Variants in USP42 observed in about 807,000 individuals in gnomAD.
USP42 encodes the protein ubiquitin carboxyl-terminal hydrolase 42.
A neutral mutation model predicts 113.0 loss-of-function variants in USP42; 23 were observed. The ratio of observed to expected loss-of-function variants is 0.20; its 90% confidence interval spans 0.15 to 0.29. The LOEUF is 0.29. USP42 is among the 10% of genes least tolerant of loss of function. The pLI, the probability that USP42 is intolerant of heterozygous loss-of-function variation, is 1.00. For missense variants in USP42, 2,174 were observed against 1,779.8 expected (o/e 1.22, Z -3.99); for synonymous variants, 933 against 699.0 (o/e 1.33, Z -5.28).
intron 3 of USP42, among the ~76,000 whole-genome samples, chr7:6,116,319 A>T (rs904298714): frequency 6.6e-6 from 1 of 152,194 alleles, no homozygotes; most frequent in Non-Finnish European, 1.5e-5. Context: ...TTCAACCTAC[A>T]TGGCAGGAAA....
chr7:6,085,132 T>A, the USP42 span: 3 of 150,726 alleles, frequency 2.0e-5, no homozygotes, highest in Non-Finnish European at 4.4e-5. Context: ...TTTATTTATT[T>A]ATTTTGAGAC....
chr7:6,103,067 C>T (rs977176251), upstream of USP42, among the ~76,000 whole-genome samples: 1 of 150,768 alleles, frequency 6.6e-6, no homozygotes. Context: ...CTGGTGAGCA[C>T]AGAATACCAG....
intron 15 of USP42, among the ~76,000 whole-genome samples, chr7:6,155,661 C>T (rs1006643679): frequency 4.6e-5 from 7 of 152,264 alleles, no homozygotes; most frequent in Non-Finnish European, 4.4e-5. Context: ...TGTGCCTGCC[C>T]GCCTGCCCAG....
At chr7:6,148,135 T>G (rs1029808757) in intron 12 of USP42, among the ~76,000 whole-genome samples, 2 of 152,128 alleles carry the variant, frequency 1.3e-5, no homozygotes, top group South Asian at 2.1e-4. Flanking sequence ...CTCAGTTGTT[T>G]GAGACCACCC....
Position 6,149,942 on chromosome 7 carries a change from C to G in USP42, c.1746C>G (p.Ile582Met). 3 of 1,614,010 alleles carry G rather than the reference C, an allele frequency of 1.9e-6. No homozygotes were observed. Among genetic ancestry groups the G allele is most frequent in the Admixed American group, 1.7e-5 (1 of 60,022 alleles). ...MSVSSKVTKP[I>M]PRSESCSQPV... ...TTTCTAGTAAAGTAACAAAACCGATCCCCCGCAGTGAATCCTGCTCCCAGC... is the reference window on the plus strand; with the variant it reads ...TTTCTAGTAAAGTAACAAAACCGATGCCCCGCAGTGAATCCTGCTCCCAGC... The change falls in exon 13 of 18, where the codon ATC becomes ATG. Residue 582 changes from isoleucine to methionine, a missense_variant. Ile to Met is a conservative substitution (Grantham distance 10). Transcript: ENST00000306177.
chr7:6,104,225 G>A (rs538691096), upstream of USP42, among the ~76,000 whole-genome samples: 18 of 151,460 alleles, frequency 1.2e-4, 1 homozygote, highest in South Asian at 2.1e-3. Context: ...TGGGACTACA[G>A]GCGCGCGCCA....
intron 3 of USP42, among the ~76,000 whole-genome samples, chr7:6,121,478 G>A (rs560996762): frequency 4.7e-5 from 7 of 148,818 alleles, no homozygotes; most frequent in Middle Eastern, 3.4e-3. Context: ...TTTTTTTCTT[G>A]TTTTGGCATT....
At chr7:6,105,243 C>G (rs890475350) in intron 1 of USP42, among the ~76,000 whole-genome samples, 10 of 145,714 alleles carry the variant, frequency 6.9e-5, no homozygotes, top group African/African-American at 2.5e-4. Flanking sequence ...CCGCCCGGGC[C>G]AGGCCGCTGG....
the USP42 span, among the ~76,000 whole-genome samples, chr7:6,092,022 TC>T: frequency 9.2e-6 from 1 of 108,610 alleles, no homozygotes; most frequent in Non-Finnish European, 1.9e-5. Flanking sequence ...TTCTTCTTCT[TC>T]TTCTTCTTCT....
intron 14 of USP42, among the ~76,000 whole-genome samples, chr7:6,152,561 A>G (rs918397164): frequency 2.0e-5 from 3 of 152,004 alleles, no homozygotes; most frequent in African/African-American, 7.2e-5. Flanking sequence ...ATTAAACCGG[A>G]ATGGGGCGAA....
At chr7:6,111,417 T>C (rs771745159) in intron 2 of USP42, 43 bp downstream of exon 2, 40 of 1,595,422 alleles carry the variant, frequency 2.5e-5, no homozygotes, top group Non-Finnish European at 3.3e-5. Flanking sequence ...GAAACTCCTG[T>C]GTAAATGCTG....
chr7:6,102,581 C>T (rs75490106), upstream of USP42, among the ~76,000 whole-genome samples: 27,575 of 149,886 alleles, frequency 0.18, 3,389 homozygotes, highest in African/African-American at 0.27. Flanking sequence ...GGCAACATAG[C>T]GAGCCCGTCT....
upstream of USP42, among the ~76,000 whole-genome samples, chr7:6,103,291 C>T (rs1047363412): frequency 6.6e-6 from 1 of 150,864 alleles, no homozygotes; most frequent in Non-Finnish European, 1.5e-5. Context: ...GGTCTATCCC[C>T]TTCAGAGCCA....
Position 6,157,317 on chromosome 7 carries a change from A to C in USP42, c.3943+262A>C. 1.7e-6 allele frequency: 2 copies of C among 1,155,490 alleles called. No homozygotes were observed. Among genetic ancestry groups the C allele is most frequent in the Non-Finnish European group, 2.1e-6 (2 of 940,112 alleles). The allele number at this position is 1,155,490 out of a possible 1,614,324, so 71.6% of individuals were successfully genotyped here. A position where few individuals can be genotyped will look rare whatever the true frequency, so the allele number is the denominator to read the frequency against. On this transcript the variant is annotated intron_variant, in intron 16 of 17. Coordinates refer to ENST00000306177, the MANE Select transcript of USP42 (RefSeq NM_032172.3). This position sits in a 1 kb window ranked among gnomAD's most constrained non-coding sequence, Gnocchi z 4.1. ...ACTACCTGTGTCACCAAAGCCCTGGAACGTACAGCTCTAGGCATCTGACTT... is the reference window on the plus strand; with the variant it reads ...ACTACCTGTGTCACCAAAGCCCTGGCACGTACAGCTCTAGGCATCTGACTT...
At chr7:6,112,819 C>T (rs1779670898) in intron 2 of USP42, among the ~76,000 whole-genome samples, 1 of 151,734 alleles carries the variant, frequency 6.6e-6, no homozygotes, top group Non-Finnish European at 1.5e-5. Flanking sequence ...CCAGTGTGGC[C>T]CAGGGAAGCC....
At chr7:6,137,926 G>A (rs1236421174) in intron 4 of USP42, among the ~76,000 whole-genome samples, 1 of 152,120 alleles carries the variant, frequency 6.6e-6, no homozygotes, top group Non-Finnish European at 1.5e-5. Flanking sequence ...TGATCCACCC[G>A]CCTCTGCCTC....
the USP42 span, among the ~76,000 whole-genome samples, chr7:6,099,712 C>T: frequency 6.7e-6 from 1 of 150,312 alleles, no homozygotes; most frequent in Non-Finnish European, 1.5e-5. Flanking sequence ...CCTGTAATCC[C>T]AGCATTTTGG....
At chr7:6,145,448 CCT>C (rs778593373) in intron 9 of USP42, 66 bp from the exon 10 acceptor site, 164 of 1,597,146 alleles carry the variant, frequency 1.0e-4, no homozygotes, top group Non-Finnish European at 1.3e-4. Flanking sequence ...CTCTAAGTAC[CCT>C]CTACCTGAAT....
Position 6,157,044 on chromosome 7 carries a change from A to C in USP42, c.3932A>C (p.Glu1311Ala). ...AGGGATGACAGGTGTCGTCTCTTTG[A>C]GTATGGCCAGGGTAAGAGGAGATAC... ...ESRDDRCRLF[E>A]YGQGD Residue 1311 changes from glutamate (E) to alanine (A), a missense_variant, in exon 16 of 18, where the codon GAG becomes GCG. By Grantham distance (107) the Glu-to-Ala change is moderately radical. Transcript: ENST00000306177. This position sits in a 1 kb window ranked among gnomAD's most constrained non-coding sequence, Gnocchi z 4.1. The C allele has an allele frequency of 6.2e-7, 1 of 1,603,942 alleles. No individual in the cohort carries two copies. Among genetic ancestry groups the C allele is most frequent in the Non-Finnish European group, 8.5e-7 (1 of 1,176,542 alleles).
Sources: gnomAD v4.1 joint callset for allele counts (sites outside exome capture counted in the v4.1 genomes callset) on GRCh38, gnomAD v4.1.1 for gene constraint, Gnocchi (gnomAD v3.1) non-coding constraint, MANE v1.5 for transcripts, NCBI Gene and HGNC (gene_info 2026-07-23, HGNC 2026-07-21) for gene names.